Variants in ENOSF1 observed in about 807,000 individuals in gnomAD.
The protein encoded by ENOSF1 is enolase superfamily member 1, also known as mitochondrial enolase superfamily member 1.
Under a neutral mutation model 68.2 loss-of-function variants are expected in ENOSF1, and 73 were observed. That is an observed-to-expected ratio of 1.07 (90% CI 0.89 to 1.30). ENOSF1 has a LOEUF of 1.30. Ranked by LOEUF, ENOSF1 falls within the 50% of genes most tolerant of loss-of-function variation. The pLI is 0.00. For synonymous variants in ENOSF1, 223 were observed against 210.4 expected, an observed-to-expected ratio of 1.06 and a Z score of -0.52; for missense variants, 589 against 554.5, an observed-to-expected ratio of 1.06 and a Z score of -0.62.
At chr18:676,317 G>C (rs1220550811) in intron 14 of ENOSF1, among the ~76,000 whole-genome samples, 3 of 152,202 alleles carry the variant, frequency 2.0e-5, no homozygotes, top group Non-Finnish European at 2.9e-5. Context: ...GTAATCCCCA[G>C]TGTTGGCAGC....
intron 2 of ENOSF1, among the ~76,000 whole-genome samples, chr18:702,587 A>T (rs2078478457): frequency 6.6e-6 from 1 of 151,984 alleles, no homozygotes; most frequent in Non-Finnish European, 1.5e-5. Flanking sequence ...AAAAAAAAGA[A>T]ACATTAGCTA....
chr18:683,469 A>G (rs2076302606), intron 10 of ENOSF1, 89 bp from the exon 11 acceptor site: 1 of 1,509,360 alleles, frequency 6.6e-7, no homozygotes, highest in Middle Eastern at 2.2e-4. Context: ...GCTGTCACTC[A>G]GTGCCACCAA....
chr18:674,260 A>T lies in ENOSF1; in HGVS notation c.*45T>A. ...TGTAAAACTATTTCCAAGAAATTTT[A>T]AGCCCTTTCACTTCAGAAAGAAAAA... On this transcript the variant is annotated 3_prime_UTR_variant, in exon 16 of 16. Transcript: ENST00000647584. 1.5e-6 allele frequency: 2 copies of T among 1,301,628 alleles called. No homozygotes were observed. The highest frequency in any genetic ancestry group is 2.2e-6 in the Non-Finnish European group (2 of 922,094). The allele number at this position is 1,301,628 out of a possible 1,614,324, so 80.6% of individuals were successfully genotyped here.
chr18:694,627 C>CAAA (rs1304863597), intron 3 of ENOSF1, among the ~76,000 whole-genome samples: 6 of 107,844 alleles, frequency 5.6e-5, no homozygotes, highest in African/African-American at 1.9e-4. Flanking sequence ...GACTCTGTCT[C>CAAA]AAAAAAAAAA....
rs2075026682 is a variant in ENOSF1 at position 671,151 on chromosome 18, A to C, written c.*3154T>G. On this transcript the variant is annotated 3_prime_UTR_variant, in exon 16 of 16. Coordinates refer to ENST00000647584, the MANE Select transcript of ENOSF1 (RefSeq NM_017512.7). ...GTTGGGTATGGTGGCTCATGCCTGT[A>C]ATCCCAGCACTTTGGGAGACTGAGA... 1.3e-5 allele frequency: 8 copies of C among 613,440 alleles called. No individual in the cohort carries two copies. Among genetic ancestry groups the C allele is most frequent in the Non-Finnish European group, 2.0e-5 (7 of 351,398 alleles). 38.0% of individuals were successfully genotyped at this position (613,440 alleles called of 1,614,324 possible). A position where few individuals can be genotyped will look rare whatever the true frequency, so the allele number is the denominator to read the frequency against.
chr18:669,216 T>C, downstream of ENOSF1: 1 of 1,560,420 alleles, frequency 6.4e-7, no homozygotes, highest in Non-Finnish European at 8.8e-7. Flanking sequence ...AACCATACTC[T>C]TAGAGGGAAG....
Position 674,023 on chromosome 18 carries a change from T to G in ENOSF1, c.*282A>C. 3.9e-6 allele frequency: 1 copy of G among 257,830 alleles called. No individual in the cohort carries two copies. Among genetic ancestry groups the G allele is most frequent in the Non-Finnish European group, 7.3e-6 (1 of 136,564 alleles). The allele number at this position is 257,830 out of a possible 1,614,324, so 16.0% of individuals were successfully genotyped here. A position where few individuals can be genotyped will look rare whatever the true frequency, so the allele number is the denominator to read the frequency against. ...TGCTTATTTTCAAATTACAGTTTAA[T>G]GTCTAGGTGCCAGCCCTTGATATAG... On this transcript the variant is annotated 3_prime_UTR_variant, in exon 16 of 16. Coordinates refer to ENST00000647584, the MANE Select transcript of ENOSF1 (RefSeq NM_017512.7).
At chr18:684,453 G>A (rs1277237116) in intron 10 of ENOSF1, among the ~76,000 whole-genome samples, 5 of 151,994 alleles carry the variant, frequency 3.3e-5, no homozygotes, top group Non-Finnish European at 1.5e-5. Flanking sequence ...CCCTGAGCCA[G>A]GGGAGGTCAA....
chr18:697,863 G>A (rs759433286), intron 2 of ENOSF1, among the ~76,000 whole-genome samples: 8 of 152,044 alleles, frequency 5.3e-5, no homozygotes, highest in Non-Finnish European at 8.8e-5. Flanking sequence ...GCACTATCAC[G>A]GCTCACCGCA....
intron 5 of ENOSF1, chr18:692,610 AG>A: frequency 1.5e-6 from 1 of 689,156 alleles, no homozygotes; most frequent in Non-Finnish European, 1.8e-6. Context: ...AAAAAAAAAA[AG>A]AAAGAAAGAA....
chr18:710,064 C>T (rs150364556), intron 1 of ENOSF1, among the ~76,000 whole-genome samples: 33 of 152,322 alleles, frequency 2.2e-4, no homozygotes, highest in African/African-American at 7.9e-4. Flanking sequence ...TGTTAGACAT[C>T]ACTCAGGCCC....
chr18:690,947 T>C, intron 7 of ENOSF1, 121 bp downstream of exon 7: 1 of 1,255,972 alleles, frequency 8.0e-7, no homozygotes, highest in Non-Finnish European at 1.1e-6. Flanking sequence ...AATGTTGATT[T>C]GAGGGCCTAG....
At chr18:681,898 G>A (rs1182261161) in intron 11 of ENOSF1, among the ~76,000 whole-genome samples, 2 of 152,182 alleles carry the variant, frequency 1.3e-5, no homozygotes, top group Non-Finnish European at 2.9e-5. Flanking sequence ...TGTAGATCAT[G>A]TGCTGATTTG....
At chr18:666,169 A>C, downstream of ENOSF1, among the ~76,000 whole-genome samples, 1 of 149,236 alleles carries the variant, frequency 6.7e-6, no homozygotes, top group Non-Finnish European at 1.5e-5. Context: ...TGTAGGTCAG[A>C]TGATTGGCAC....
chr18:679,054 C>G (rs2075803758), intron 11 of ENOSF1, among the ~76,000 whole-genome samples: 1 of 152,180 alleles, frequency 6.6e-6, no homozygotes, highest in African/African-American at 2.4e-5. Context: ...CCCTCTCCAG[C>G]CTGCGCAGTG....
chr18:712,621 G>A lies in ENOSF1; in HGVS notation c.-34C>T, dbSNP rs1366565984. The A allele has an allele frequency of 4.0e-6, 6 of 1,508,408 alleles. No homozygotes were observed. Among genetic ancestry groups the A allele is most frequent in the South Asian group, 2.4e-5 (2 of 81,816 alleles). The allele number at this position is 1,508,408 out of a possible 1,614,324, so 93.4% of individuals were successfully genotyped here. On this transcript the variant is annotated 5_prime_UTR_variant, in exon 1 of 16. Transcript: ENST00000647584. ...CGCCCCGTGGCCGCGGCCCCCGTGC[G>A]GTCAGGACTGGTCGGGATCCCGAGC...
chr18:703,962 C>T (rs928159440), intron 2 of ENOSF1, among the ~76,000 whole-genome samples: 22 of 152,090 alleles, frequency 1.4e-4, no homozygotes. Flanking sequence ...TTGATCCTTT[C>T]GACATAGGAC....
At chr18:710,763 T>C (rs1474967867) in intron 1 of ENOSF1, among the ~76,000 whole-genome samples, 1 of 152,230 alleles carries the variant, frequency 6.6e-6, no homozygotes, top group East Asian at 1.9e-4. Flanking sequence ...ATACCCATTT[T>C]ACAGATGAGA....
intron 8 of ENOSF1, 48 bp from the exon 9 acceptor site, chr18:688,656 C>G (rs2076860628): frequency 6.4e-7 from 1 of 1,563,910 alleles, no homozygotes. Flanking sequence ...GCCCCTTGGT[C>G]TGACCAGGAA....
Sources: gnomAD v4.1 joint callset for allele counts (sites outside exome capture counted in the v4.1 genomes callset) on GRCh38, gnomAD v4.1.1 for gene constraint, MANE v1.5 for transcripts, NCBI Gene and HGNC (gene_info 2026-07-23, HGNC 2026-07-21) for gene names.